The following TRPV3 variants were observed in gnomAD, a reference collection of about 807,000 sequenced individuals.
The protein encoded by TRPV3 is transient receptor potential cation channel subfamily V member 3.
Under a neutral mutation model 87.1 loss-of-function variants are expected in TRPV3, and 88 were observed. The ratio of observed to expected loss-of-function variants is 1.01; its 90% CI spans 0.85 to 1.21. The LOEUF (loss-of-function observed/expected upper bound fraction) is 1.21. Among genes scored for constraint, TRPV3 ranks in the 50% most tolerant of loss-of-function variants. The pLI, the probability that TRPV3 is intolerant of heterozygous loss-of-function variation, is 0.00. For missense variants in TRPV3, 1,054 were observed against 1,030.1 expected (o/e 1.02, Z -0.32); for synonymous variants, 438 against 423.3 (o/e 1.03, Z -0.43).
rs2074361002 is a variant in TRPV3 at position 3,532,800 on chromosome 17, C to T, written c.922G>A (p.Glu308Lys). 2.5e-6 allele frequency: 4 copies of T among 1,614,232 alleles called. No individual in the cohort carries two copies. Among genetic ancestry groups the T allele is most frequent in the East Asian group, 2.2e-5 (1 of 44,892 alleles). ...NILHALVTVA[E>K]DFKTQNDFVK... The stretch of plus-strand genomic sequence containing the variant: ...AAGTCATTCTGCGTCTTGAAGTCCT[C>T]GGCCACGGTCACCAGGGCGTGAAGG... The change falls in exon 8 of 18, where the codon GAG (glutamate) becomes AAG (lysine). Residue 308 changes from glutamate (E) to lysine (K), a missense_variant. Glu to Lys is a moderately conservative substitution (Grantham distance 56, BLOSUM62 1). Coordinates refer to ENST00000576742, the MANE Select transcript of TRPV3 (RefSeq NM_145068.4).
intron 11 of TRPV3, among the ~76,000 whole-genome samples, chr17:3,527,194 C>G (rs1011402318): frequency 2.6e-5 from 4 of 152,166 alleles, no homozygotes; most frequent in African/African-American, 9.7e-5. Flanking sequence ...GGTACTACCA[C>G]TACAGCCGCC....
Position 3,528,720 on chromosome 17 carries a change from G to C in TRPV3, c.1401+117C>G, listed in dbSNP as rs560024416. 2 of 1,249,044 alleles carry C rather than the reference G, an allele frequency of 1.6e-6. No individual in the cohort carries two copies. The highest frequency in any genetic ancestry group is 2.4e-5 in the Admixed American group (1 of 41,898). 77.4% of individuals were successfully genotyped at this position (1,249,044 alleles called of 1,614,324 possible). ...TGGGAAGCGTGAAGGACAACTGGGGGACCCCGCCCAATCTCCTGGTCTCTC... is the reference window on the plus strand; with the variant it reads ...TGGGAAGCGTGAAGGACAACTGGGGCACCCCGCCCAATCTCCTGGTCTCTC... On this transcript the variant is annotated intron_variant, in intron 10 of 17. Coordinates refer to ENST00000576742, the MANE Select transcript of TRPV3 (RefSeq NM_145068.4). This position sits in a 1 kb window ranked among gnomAD's most constrained non-coding sequence, Gnocchi z 4.2.
In TRPV3 at chr17:3,535,724, G is replaced by C. The variant is rs888462797; in HGVS notation, c.644-11C>G. ...TCAGCGCCGTCTGCCCTGCGGAGCG[G>C]GCGGGGACGCGCGGGAGCCTCAGCG... On this transcript the variant is annotated splice_polypyrimidine_tract_variant and intron_variant, in intron 6 of 17. Transcript: ENST00000576742. 6.7e-6 allele frequency: 10 copies of C among 1,481,652 alleles called. No homozygotes were observed. The highest frequency in any genetic ancestry group is 8.0e-6 in the Non-Finnish European group (9 of 1,118,852). 91.8% of individuals were successfully genotyped at this position (1,481,652 alleles called of 1,614,324 possible).
intron 14 of TRPV3, among the ~76,000 whole-genome samples, chr17:3,519,812 C>T (rs10451233): frequency 1.2e-4 from 10 of 82,820 alleles, no homozygotes; most frequent in South Asian, 4.3e-4. Context: ...ACCGATTGAT[C>T]GATGGATGGA....
Position 3,512,249 on chromosome 17 carries a change from G to C in TRPV3, c.*1668C>G, listed in dbSNP as rs919821580. The C allele has an allele frequency of 2.0e-5, 3 of 152,196 alleles. No homozygotes were observed. Among genetic ancestry groups the C allele is most frequent in the Non-Finnish European group, 4.4e-5 (3 of 68,102 alleles). 9.4% of individuals were successfully genotyped at this position (152,196 alleles called of 1,614,324 possible). On this transcript the variant is annotated 3_prime_UTR_variant, in exon 18 of 18. Transcript: ENST00000576742. The stretch of plus-strand genomic sequence containing the variant: ...TCTCCAGAGGCCCATGCCCAGCCCC[G>C]ACCACTGTGGCTTAGAGCACGCGAT...
intron 15 of TRPV3, among the ~76,000 whole-genome samples, chr17:3,516,829 C>T (rs574415690): frequency 2.6e-5 from 4 of 152,074 alleles, no homozygotes; most frequent in Non-Finnish European, 4.4e-5. Context: ...GCCAACATGG[C>T]GAAACCCTGT....
intron 2 of TRPV3, among the ~76,000 whole-genome samples, chr17:3,545,799 C>T (rs1287140737): frequency 2.2e-5 from 3 of 138,022 alleles, no homozygotes; most frequent in Non-Finnish European, 3.1e-5. Flanking sequence ...GCCAACATGG[C>T]GAAACTCTGT....
rs1315358816 is a variant in TRPV3, at chr17:3,544,611, C to T, written c.279G>A (p.Val93=). Residue 93 remains valine (V), a synonymous_variant, in exon 4 of 18, where the codon GTG becomes GTA. Transcript: ENST00000576742. ...TGTTGGGATTGGATGGGGTCTCTGTCACATCATCCTGAGGAGACTGGGGGG... is the reference window on the plus strand; with the variant it reads ...TGTTGGGATTGGATGGGGTCTCTGTTACATCATCCTGAGGAGACTGGGGGG... ...MDSPQSPQDD[V]TETPSNPNSP... 2.5e-6 allele frequency: 4 copies of T among 1,608,496 alleles called. No homozygotes were observed. Among genetic ancestry groups the T allele is most frequent in the Non-Finnish European group, 8.5e-7 (1 of 1,178,738 alleles).
In TRPV3 at chr17:3,545,231, G is replaced by T; in HGVS notation, c.160C>A (p.Pro54Thr). 6.2e-7 allele frequency: 1 copy of T among 1,614,036 alleles called. No homozygotes were observed. ...GGAGGAGAGGTCTTGGCAACTGTGG[G>T]GTTGGGTTCAAACCCTTCTATCTCC... is the stretch of plus-strand genomic sequence containing the variant. ...FLEIEGFEPN[P>T]TVAKTSPPVF... The change falls in exon 3 of 18, where the codon CCC becomes ACC. Residue 54 changes from proline (P) to threonine (T), a missense_variant. Physicochemically the swap from Pro to Thr is conservative, Grantham distance 38. Transcript: ENST00000576742.
chr17:3,528,689 G>C lies in TRPV3; in HGVS notation c.1401+148C>G, dbSNP rs2074321630. 1 of 923,004 alleles carries C rather than the reference G, an allele frequency of 1.1e-6. No individual in the cohort carries two copies. Among genetic ancestry groups the C allele is most frequent in the African/African-American group, 1.7e-5 (1 of 60,010 alleles). 57.2% of individuals were successfully genotyped at this position (923,004 alleles called of 1,614,324 possible). ...AGGCTAAGCACTGAAGACATATTCA[G>C]TTCCCTGGGAAGCGTGAAGGACAAC... On this transcript the variant is annotated intron_variant, in intron 10 of 17. Transcript: ENST00000576742. This position sits in a 1 kb window ranked among gnomAD's most constrained non-coding sequence, Gnocchi z 4.2.
Position 3,513,821 on chromosome 17 carries a change from G to T in TRPV3, c.*96C>A, listed in dbSNP as rs1045890987. The T allele has an allele frequency of 5.7e-6, 6 of 1,057,834 alleles. No individual in the cohort carries two copies. Among genetic ancestry groups the T allele is most frequent in the Non-Finnish European group, 8.6e-6 (6 of 695,332 alleles). 65.5% of individuals were successfully genotyped at this position (1,057,834 alleles called of 1,614,324 possible). A position where few individuals can be genotyped will look rare whatever the true frequency, so the allele number is the denominator to read the frequency against. On this transcript the variant is annotated 3_prime_UTR_variant, in exon 18 of 18. Transcript: ENST00000576742. ...ACTCTGCTTCTAGGCCAGCAGAGCC[G>T]GACTCCACCATCCCTCAAAGCCTCT...
chr17:3,520,011 TGGAC>T (rs148722446), intron 14 of TRPV3, among the ~76,000 whole-genome samples: 50,479 of 143,190 alleles, frequency 0.35, 9,883 homozygotes, highest in Non-Finnish European at 0.45. Flanking sequence ...GATGGATGGA[TGGAC>T]GGATAGACAG....
chr17:3,543,718 G>A (rs1225716955), intron 4 of TRPV3, 90 bp from the exon 5 acceptor site: 4 of 1,536,368 alleles, frequency 2.6e-6, no homozygotes, highest in Non-Finnish European at 2.6e-6. Flanking sequence ...ACGGGGCGCT[G>A]CAGCTGCCGC....
chr17:3,530,942 G>T lies in TRPV3; in HGVS notation c.1066-739C>A, dbSNP rs2074344141. Among the ~76,000 whole-genome samples the T allele has an allele frequency of 6.6e-6, 1 of 152,036 alleles. No homozygotes were observed. The highest frequency in any genetic ancestry group is 2.4e-5 in the African/African-American group (1 of 41,398). On this transcript the variant is annotated intron_variant, in intron 8 of 17. Coordinates refer to ENST00000576742, the MANE Select transcript of TRPV3 (RefSeq NM_145068.4). The surrounding 1 kb of genome is among the most constrained non-coding windows in gnomAD (Gnocchi z 4.0). ...GTGGTGGCAGGCGCCTGTAACCCCA[G>T]CTACTCAGGAGGCTGAGGCAGGAGA...
chr17:3,527,704 T>C (rs2074312150), intron 11 of TRPV3: 5 of 393,162 alleles, frequency 1.3e-5, no homozygotes, highest in Admixed American at 8.4e-5. Flanking sequence ...TGTGAATGGA[T>C]GAATGAGTGG....
chr17:3,551,291 A>G (rs2074571523), intron 2 of TRPV3, among the ~76,000 whole-genome samples: 2 of 152,186 alleles, frequency 1.3e-5, no homozygotes, highest in Non-Finnish European at 2.9e-5. Context: ...GGGGCAGAGC[A>G]GCTGCTAGAC....
At chr17:3,532,192 C>A (rs934413849) in intron 8 of TRPV3, among the ~76,000 whole-genome samples, 2 of 152,256 alleles carry the variant, frequency 1.3e-5, no homozygotes, top group Non-Finnish European at 2.9e-5. Context: ...AGCGGCCACA[C>A]TCTTGGCTGG....
intron 14 of TRPV3, among the ~76,000 whole-genome samples, chr17:3,519,475 T>C (rs1169413263): frequency 1.4e-5 from 2 of 146,018 alleles, no homozygotes; most frequent in Non-Finnish European, 3.0e-5. Context: ...GATGGATGGA[T>C]AGATGATTGG....
intron 4 of TRPV3, 95 bp downstream of exon 4, chr17:3,544,484 G>T: frequency 1.3e-6 from 1 of 742,408 alleles, no homozygotes; most frequent in South Asian, 1.8e-5. Context: ...AGGAATGGTG[G>T]ATTCTTTCTC....
Sources: gnomAD v4.1 joint callset for allele counts (sites outside exome capture counted in the v4.1 genomes callset) on GRCh38, gnomAD v4.1.1 for gene constraint, Gnocchi (gnomAD v3.1) non-coding constraint, MANE v1.5 for transcripts, NCBI Gene and HGNC (gene_info 2026-07-23, HGNC 2026-07-21) for gene names.